Variants in GLIS3 observed in about 807,000 individuals in gnomAD.
GLIS3 encodes the protein GLIS family zinc finger 3.
GLIS3 carries 53 observed loss-of-function variants against 78.6 expected under a neutral mutation model. The observed-to-expected ratio is 0.67, with a 90% CI of 0.54 to 0.85. GLIS3 has a LOEUF of 0.85. GLIS3 is among the 40% of genes least tolerant of loss of function. The probability of loss-of-function intolerance (pLI) is 0.00; values close to 1 mark genes in which losing one functional copy is unlikely to be tolerated. For synonymous variants in GLIS3, 684 were observed against 509.9 expected (o/e 1.34, Z -4.60); for missense variants, 1,703 against 1,231.1 (o/e 1.38, Z -5.74).
At chr9:4,034,679 G>A (rs1162832346) in intron 4 of GLIS3, 1 of 152,096 alleles carries the variant, frequency 6.6e-6, no homozygotes, top group Non-Finnish European at 1.5e-5. Context: ...CATGACACCG[G>A]GATCACAGGA....
chr9:4,124,302 C>A (rs900794595), intron 3 of GLIS3, among the ~76,000 whole-genome samples: 1 of 152,154 alleles, frequency 6.6e-6, no homozygotes, highest in African/African-American at 2.4e-5. Context: ...GCTAAGGAAT[C>A]AAATATGCCA....
At chr9:4,177,942 A>C (rs536942908) in intron 2 of GLIS3, among the ~76,000 whole-genome samples, 1 of 152,350 alleles carries the variant, frequency 6.6e-6, no homozygotes, top group South Asian at 2.1e-4. Flanking sequence ...AGATGAATCC[A>C]CATGAAATAT....
Position 3,937,207 on chromosome 9 carries a change from T to C in GLIS3, c.1711-18A>G, listed in dbSNP as rs1825947915. On this transcript the variant is annotated intron_variant, in intron 4 of 10. Transcript: ENST00000381971. ...CCTTCAAACTGCAAAAAGAAAACAA[T>C]TTTTGGTGGTTGAGAAGGACCTTGA... The C allele has an allele frequency of 6.2e-7, 1 of 1,613,820 alleles. No individual in the cohort carries two copies.
chr9:4,340,732 A>T (rs1474849348), intron 2 of GLIS3, among the ~76,000 whole-genome samples: 1 of 152,140 alleles, frequency 6.6e-6, no homozygotes, highest in Non-Finnish European at 1.5e-5. Flanking sequence ...TCTGTCACCC[A>T]TCACCCAGGC....
rs10974416 is a variant in GLIS3, at chr9:4,258,305, C to T, written c.388+27733G>A. On this transcript the variant is annotated intron_variant, in intron 2 of 10. Transcript: ENST00000381971. ...AATAGTGAAATCTGAATAAAGTCTA[C>T]AGTTTTAGTTTACAGTAACATATAT... is the stretch of plus-strand genomic sequence containing the variant. 7.8e-3 allele frequency among the ~76,000 whole-genome samples: 1,180 copies of T among 150,498 alleles called. 21 individuals are homozygous for T. The highest frequency in any genetic ancestry group is 0.028 in the African/African-American group (1,125 of 40,886).
chr9:3,950,748 T>C (rs1816622630), intron 4 of GLIS3, among the ~76,000 whole-genome samples: 1 of 152,250 alleles, frequency 6.6e-6, no homozygotes, highest in Non-Finnish European at 1.5e-5. Context: ...CTTTTCATGA[T>C]GCAGCAGCAT....
chr9:4,130,590 T>A (rs191561778), intron 2 of GLIS3, among the ~76,000 whole-genome samples: 8 of 152,330 alleles, frequency 5.3e-5, no homozygotes, highest in Admixed American at 5.2e-4. Context: ...CTTGGTGGCT[T>A]CCACATGGTC....
At chr9:3,868,685 CCCTTATTGGCCCAACACACAACTTCTTGT>C (rs1820768297) in intron 8 of GLIS3, among the ~76,000 whole-genome samples, 1 of 152,112 alleles carries the variant, frequency 6.6e-6, no homozygotes, top group African/African-American at 2.4e-5. Flanking sequence ...CACTACATCC[CCCTTATTGGCCCAACACACAACTTCTTGT>C]CCTCAAGTTA....
chr9:3,966,873 T>A (rs1817975140), intron 4 of GLIS3, among the ~76,000 whole-genome samples: 1 of 151,754 alleles, frequency 6.6e-6, no homozygotes, highest in South Asian at 2.1e-4. Flanking sequence ...ATTCAATGAT[T>A]TTTTAGTAAA....
the GLIS3 span, among the ~76,000 whole-genome samples, chr9:4,404,661 C>A: frequency 6.6e-6 from 1 of 152,032 alleles, no homozygotes; most frequent in African/African-American, 2.4e-5. Context: ...TGAAAGATTT[C>A]TTGAAACAAA....
chr9:4,058,114 C>A (rs1194667143), intron 4 of GLIS3, among the ~76,000 whole-genome samples: 1 of 152,062 alleles, frequency 6.6e-6, no homozygotes, highest in East Asian at 1.9e-4. Flanking sequence ...CACAAATGTA[C>A]CTATATCACA....
intron 9 of GLIS3, among the ~76,000 whole-genome samples, chr9:3,831,211 C>A (rs893401773): frequency 2.0e-5 from 3 of 152,140 alleles, no homozygotes; most frequent in Non-Finnish European, 4.4e-5. Flanking sequence ...TAGGAAAATA[C>A]CTAAGGAAAT....
intron 2 of GLIS3, among the ~76,000 whole-genome samples, chr9:4,314,752 A>G (rs7038304): frequency 0.4 from 60,389 of 152,176 alleles, 12,391 homozygotes; most frequent in African/African-American, 0.5. Context: ...CAGCTTTCTC[A>G]TTCATTAGCT....
At chr9:4,375,390 G>A in the GLIS3 span, among the ~76,000 whole-genome samples, 5 of 152,132 alleles carry the variant, frequency 3.3e-5, no homozygotes. Flanking sequence ...GTATATACAA[G>A]TTTCCTTTAT....
At chr9:3,932,133 G>GCAGCTATGCAAACCATAGCCATAT (rs780599149) in intron 6 of GLIS3, among the ~76,000 whole-genome samples, 16 of 151,624 alleles carry the variant, frequency 1.1e-4, no homozygotes, top group East Asian at 2.0e-4. Flanking sequence ...CATAGCTATA[G>GCAGCTATGCAAACCATAGCCATAT]CAGCTATGCA....
chr9:3,891,934 C>T (rs143475601), intron 7 of GLIS3, among the ~76,000 whole-genome samples: 1 of 152,242 alleles, frequency 6.6e-6, no homozygotes, highest in Non-Finnish European at 1.5e-5. Context: ...GTTGATGAGA[C>T]TTTATCACAT....
the GLIS3 span, among the ~76,000 whole-genome samples, chr9:4,358,676 AGTCT>A: frequency 6.6e-6 from 1 of 152,088 alleles, no homozygotes; most frequent in South Asian, 2.1e-4. Context: ...CTTGTACAGT[AGTCT>A]TTCTACAGAT....
intron 2 of GLIS3, among the ~76,000 whole-genome samples, chr9:4,313,076 G>A (rs1435617555): frequency 6.6e-6 from 1 of 152,130 alleles, no homozygotes; most frequent in Non-Finnish European, 1.5e-5. Context: ...CTTTGGGGAA[G>A]ACAAAAAAGC....
the GLIS3 span, among the ~76,000 whole-genome samples, chr9:4,458,985 C>T: frequency 6.6e-6 from 1 of 152,102 alleles, no homozygotes; most frequent in African/African-American, 2.4e-5. Flanking sequence ...GGCCTTACCA[C>T]ATGGATCCAA....
Sources: allele counts gnomAD v4.1 joint callset (sites outside exome capture counted in the v4.1 genomes callset), GRCh38; gene constraint gnomAD v4.1.1; transcripts MANE v1.5; gene names NCBI Gene and HGNC (gene_info 2026-07-23, HGNC 2026-07-21).